Variants in CCT3 observed in about 807,000 individuals in gnomAD.
CCT3 encodes the protein chaperonin containing TCP1 subunit 3.
Under a neutral mutation model 65.3 loss-of-function variants are expected in CCT3, and 10 were observed. The ratio of observed to expected loss-of-function variants is 0.15; its 90% CI spans 0.09 to 0.26. The LOEUF (loss-of-function observed/expected upper bound fraction) is 0.26, where lower values mean the gene tolerates loss of function less well. Ranked by LOEUF, CCT3 falls within the 10% of genes least tolerant of loss-of-function variation. The probability of loss-of-function intolerance (pLI) is 1.00; values close to 1 mark genes in which losing one functional copy is unlikely to be tolerated. For missense variants in CCT3, 626 were observed against 708.7 expected, an observed-to-expected ratio of 0.88 and a Z score of 1.33; for synonymous variants, 225 against 242.3, an observed-to-expected ratio of 0.93 and a Z score of 0.66.
At chr1:156,335,031 TATTTTA>T (rs1412856570) in intron 2 of CCT3, 113 bp from the exon 3 acceptor site, 2 of 840,152 alleles carry the variant, frequency 2.4e-6, no homozygotes. Context: ...TGTTTTATTT[TATTTTA>T]ATTTTATTTT....
chr1:156,315,501 G>A (rs560290960), intron 10 of CCT3, among the ~76,000 whole-genome samples: 2 of 152,178 alleles, frequency 1.3e-5, no homozygotes, highest in East Asian at 3.9e-4. Flanking sequence ...GAGCCACCGT[G>A]CCCTGCCCTT....
At position 156,310,685 on chromosome 1, in the gene CCT3, T is replaced by G. The variant is rs957302689; in HGVS notation, c.1406A>C (p.Lys469Thr). The change falls in exon 13 of 14, where the codon AAG (lysine) becomes ACG (threonine). Residue 469 changes from lysine to threonine, a missense_variant. Lys to Thr is a moderately conservative substitution (Grantham distance 78). Transcript: ENST00000295688. ...GGTCTCACAGTTCTCCTGGGTGTGC[T>G]TGGCCTGCAATTGAAGCAAGAAGTA... ...TIRLLTSLRA[K>T]HTQENCETWG... is the part of the protein sequence containing the mutation. 6.2e-7 allele frequency: 1 copy of G among 1,612,670 alleles called. No homozygotes were observed. The highest frequency in any genetic ancestry group is 8.5e-7 in the Non-Finnish European group (1 of 1,179,626).
rs750721510 is a variant in CCT3 at position 156,311,058 on chromosome 1, A to G, written c.1293T>C (p.Gly431=). ...CAGCCCTGTATGGCCATTGTTCCAC[A>G]CCAGTCATGGCCTTGGATTTTTCTG... ...ALTEKSKAMT[G]VEQWPYRAVA... Residue 431 remains glycine (G), a synonymous_variant, in exon 12 of 14, where the codon GGT becomes GGC. Coordinates refer to ENST00000295688, the MANE Select transcript of CCT3 (RefSeq NM_005998.5). 4.3e-6 allele frequency: 7 copies of G among 1,613,958 alleles called. No individual in the cohort carries two copies. The highest frequency in any genetic ancestry group is 5.9e-6 in the Non-Finnish European group (7 of 1,179,982).
chr1:156,310,520 T>A (rs745866924), intron 13 of CCT3, 38 bp downstream of exon 13: 103 of 1,436,172 alleles, frequency 7.2e-5, no homozygotes, highest in African/African-American at 2.6e-4. Flanking sequence ...ATAAATAAAT[T>A]AATTAAAACA....
chr1:156,335,510 T>C, intron 2 of CCT3: 2 of 308,234 alleles, frequency 6.5e-6, no homozygotes, highest in Non-Finnish European at 1.2e-5. Context: ...GCACTAGGAA[T>C]ACAAAAGGGA....
At chr1:156,310,438 G>T in intron 13 of CCT3, 120 bp downstream of exon 13, 1 of 626,778 alleles carries the variant, frequency 1.6e-6, no homozygotes. Flanking sequence ...AGATTGCAGT[G>T]AGCCGAGATC....
chr1:156,317,100 CTG>C, intron 10 of CCT3, 64 bp downstream of exon 10: 3 of 1,335,744 alleles, frequency 2.2e-6, no homozygotes, highest in African/African-American at 1.4e-5. Context: ...GTAATGATGA[CTG>C]TTACGCAACT....
intron 6 of CCT3, among the ~76,000 whole-genome samples, chr1:156,323,416 A>G (rs1411132148): frequency 2.2e-5 from 2 of 90,792 alleles, no homozygotes; most frequent in African/African-American, 5.8e-5. Context: ...TTAAATAAAG[A>G]AAAAAAAAAC....
Position 156,338,257 on chromosome 1 carries a change from C to A in CCT3, c.-73G>T. ...AACCTTCTGGAGAGAGAGAACCAGACAGAAGCCCAGAAAACGCTGCCTCCT... is the reference window on the plus strand; with the variant it reads ...AACCTTCTGGAGAGAGAGAACCAGAAAGAAGCCCAGAAAACGCTGCCTCCT... On this transcript the variant is annotated 5_prime_UTR_variant, in exon 1 of 14. Coordinates refer to ENST00000295688, the MANE Select transcript of CCT3 (RefSeq NM_005998.5). 2 of 1,497,632 alleles carry A rather than the reference C, an allele frequency of 1.3e-6. No homozygotes were observed. The highest frequency in any genetic ancestry group is 2.4e-5 in the East Asian group (1 of 41,776). The allele number at this position is 1,497,632 out of a possible 1,614,324, so 92.8% of individuals were successfully genotyped here. A position where few individuals can be genotyped will look rare whatever the true frequency, so the allele number is the denominator to read the frequency against.
At chr1:156,325,117 T>G (rs1254284358) in intron 5 of CCT3, 28 bp from the exon 6 acceptor site, 1 of 1,472,806 alleles carries the variant, frequency 6.8e-7, no homozygotes, top group South Asian at 1.1e-5. Context: ...ACCATAGTAA[T>G]ATTTAAAGCA....
intron 5 of CCT3, among the ~76,000 whole-genome samples, chr1:156,328,184 G>T (rs1428094511): frequency 1.7e-5 from 2 of 116,222 alleles, no homozygotes; most frequent in African/African-American, 5.7e-5. Context: ...CAGCCGCCCC[G>T]TCCGGGAGGG....
At chr1:156,325,898 T>TA (rs1236121945) in intron 5 of CCT3, among the ~76,000 whole-genome samples, 7 of 151,254 alleles carry the variant, frequency 4.6e-5, no homozygotes, top group East Asian at 3.9e-4. Context: ...TTGATCTTTC[T>TA]AAAAAAAAAT....
In CCT3 at chr1:156,328,045, T is replaced by TCAGCCCCCCACCCGG. The variant is rs1410150374; in HGVS notation, c.305-2957_305-2956insCCGGGTGGGGGGCTG. Among the ~76,000 whole-genome samples, 28 of 4,622 alleles carry TCAGCCCCCCACCCGG rather than the reference T, an allele frequency of 6.1e-3. 4 individuals are homozygous for TCAGCCCCCCACCCGG. The highest frequency in any genetic ancestry group is 0.017 in the South Asian group (2 of 118). The allele number at this position is 4,622 out of a possible 152,430, so 3.0% of individuals were successfully genotyped here. A position where few individuals can be genotyped will look rare whatever the true frequency, so the allele number is the denominator to read the frequency against. ...ACCCCGTCCGGGAGGGAGGTGGGGG[T>TCAGCCCCCCACCCGG]CCAGCCGCCCCATCTGGCAGGGAGG... On this transcript the variant is annotated intron_variant, in intron 5 of 13. Transcript: ENST00000295688.
chr1:156,325,936 A>C (rs1197870036), intron 5 of CCT3, among the ~76,000 whole-genome samples: 1 of 152,172 alleles, frequency 6.6e-6, no homozygotes, highest in Admixed American at 6.6e-5. Flanking sequence ...AATAAAGAAA[A>C]ATGCACAAAA....
Position 156,309,233 on chromosome 1 carries a change from C to T in CCT3, c.1604G>A (p.Arg535Gln), listed in dbSNP as rs773976454. 65 of 1,613,816 alleles carry T rather than the reference C, an allele frequency of 4.0e-5. No homozygotes were observed. The highest frequency in any genetic ancestry group is 6.6e-5 in the South Asian group (6 of 91,086). ...GCCAGCATCAGGAGCCCCGCCTTGC[C>T]GGCTCTGGTCATCGCCTTTCTTTTT... ...GHKKKGDDQSRQGGAPDAGQE is the reference protein window; with the variant it reads ...GHKKKGDDQSQQGGAPDAGQE The change falls in exon 14 of 14, where the codon CGG becomes CAG. Residue 535 changes from arginine to glutamine, a missense_variant. Arg to Gln is a conservative substitution (Grantham distance 43). Transcript: ENST00000295688.
Position 156,335,153 on chromosome 1 carries a change from G to A in CCT3, c.94-235C>T, listed in dbSNP as rs537856616. The stretch of plus-strand genomic sequence containing the variant: ...CCCAAAGTGTTGGGATTAGAGGCGT[G>A]AGCCATTCCGCCCAGCCAGAGTCAG... On this transcript the variant is annotated intron_variant, in intron 2 of 13. Coordinates refer to ENST00000295688, the MANE Select transcript of CCT3 (RefSeq NM_005998.5). 3.9e-5 allele frequency: 19 copies of A among 482,556 alleles called. No individual in the cohort carries two copies. In the East Asian group the frequency reaches 6.3e-4, roughly 16 times the overall value. The allele number at this position is 482,556 out of a possible 1,614,324, so 29.9% of individuals were successfully genotyped here.
chr1:156,316,907 C>T (rs557730988), intron 10 of CCT3, among the ~76,000 whole-genome samples: 4 of 152,208 alleles, frequency 2.6e-5, no homozygotes, highest in African/African-American at 7.2e-5. Context: ...AGAAATGTAA[C>T]GGACACCCAC....
chr1:156,330,981 C>G (rs1284435497), intron 5 of CCT3, among the ~76,000 whole-genome samples: 1 of 151,950 alleles, frequency 6.6e-6, no homozygotes, highest in Non-Finnish European at 1.5e-5. Context: ...AGCCTGTAAT[C>G]CCAGCACTTT....
intron 5 of CCT3, among the ~76,000 whole-genome samples, chr1:156,326,668 A>G (rs555071617): frequency 5.1e-4 from 59 of 114,670 alleles, no homozygotes; most frequent in Middle Eastern, 4.4e-3. Context: ...AAAAAAAAAG[A>G]AAAAGAAAAA....
Sources: allele counts gnomAD v4.1 joint callset (sites outside exome capture counted in the v4.1 genomes callset), GRCh38; gene constraint gnomAD v4.1.1; transcripts MANE v1.5; gene names NCBI Gene and HGNC (gene_info 2026-07-23, HGNC 2026-07-21).